The following EIF4A3 variants were observed in gnomAD, a reference collection of about 807,000 sequenced individuals.
EIF4A3 encodes eukaryotic translation initiation factor 4A3.
A neutral mutation model predicts 55.6 loss-of-function variants in EIF4A3; 1 was observed. The ratio of observed to expected loss-of-function variants is 0.02; its 90% CI spans 0.01 to 0.09. EIF4A3 has a LOEUF of 0.09. Ranked by LOEUF, EIF4A3 falls within the 10% of genes least tolerant of loss-of-function variation. The pLI is 1.00. For missense variants in EIF4A3, 221 were observed against 540.7 expected (o/e 0.41, Z 5.86); for synonymous variants, 194 against 196.3 (o/e 0.99, Z 0.10).
rs183318482 is a variant in EIF4A3, at chr17:80,134,485, G to A, written c.*1005C>T. ...CCTGCCACTATACTCCTGCCTGGGC[G>A]ACAGGGAGATCCTGGGCTCTCAAAA... On this transcript the variant is annotated 3_prime_UTR_variant, in exon 12 of 12. Coordinates refer to ENST00000649764, the MANE Select transcript of EIF4A3 (RefSeq NM_014740.4). Among the ~76,000 whole-genome samples the A allele has an allele frequency of 7.9e-4, 118 of 150,236 alleles. No homozygotes were observed. The Middle Eastern group carries it at 0.014, about 17-fold the overall frequency.
At chr17:80,145,483 G>A (rs1359655557) in intron 1 of EIF4A3, among the ~76,000 whole-genome samples, 1 of 152,178 alleles carries the variant, frequency 6.6e-6, no homozygotes, top group African/African-American at 2.4e-5. Context: ...GGAATCGCTT[G>A]AGCCCCAGAA....
intron 9 of EIF4A3, 69 bp downstream of exon 9, chr17:80,137,317 G>T: frequency 7.3e-7 from 1 of 1,378,822 alleles, no homozygotes; most frequent in Non-Finnish European, 1.0e-6. Flanking sequence ...CACTTAGGCG[G>T]TACATATGAA....
chr17:80,144,158 C>A lies in EIF4A3; in HGVS notation c.242+14G>T. 6.2e-7 allele frequency: 1 copy of A among 1,613,644 alleles called. No individual in the cohort carries two copies. Among genetic ancestry groups the A allele is most frequent in the Non-Finnish European group, 8.5e-7 (1 of 1,179,606 alleles). On this transcript the variant is annotated intron_variant, in intron 2 of 11. Transcript: ENST00000649764. ...TTTACATCCAGCCCTGCGCCGCACCCCAGGACAACTTACTGTGCGATGACA... is the reference window on the plus strand; with the variant it reads ...TTTACATCCAGCCCTGCGCCGCACCACAGGACAACTTACTGTGCGATGACA...
chr17:80,141,962 T>C (rs187332706), intron 2 of EIF4A3, 114 bp from the exon 3 acceptor site: 2 of 764,318 alleles, frequency 2.6e-6, no homozygotes, highest in East Asian at 2.6e-5. Flanking sequence ...CAAGCCCCCG[T>C]ACCTAATAAC....
chr17:80,141,272 A>G (rs774232931), intron 4 of EIF4A3, 47 bp downstream of exon 4: 1 of 1,555,424 alleles, frequency 6.4e-7, no homozygotes, highest in Admixed American at 1.7e-5. Flanking sequence ...ACTAAATCAC[A>G]AAAGCAGTAC....
At chr17:80,144,564 T>C (rs985129792) in intron 1 of EIF4A3, among the ~76,000 whole-genome samples, 2 of 152,132 alleles carry the variant, frequency 1.3e-5, no homozygotes, top group African/African-American at 4.8e-5. Flanking sequence ...TGCCAAAATG[T>C]TCCTGGCAGT....
chr17:80,136,482 G>T, intron 9 of EIF4A3, 147 bp from the exon 10 acceptor site: 1 of 652,060 alleles, frequency 1.5e-6, no homozygotes, highest in Non-Finnish European at 2.7e-6. Flanking sequence ...CTGCAAACGT[G>T]AAGCCTCAGG....
In EIF4A3 at chr17:80,141,300, C is replaced by T; in HGVS notation, c.372+19G>A. The T allele has an allele frequency of 6.2e-7, 1 of 1,608,272 alleles. No homozygotes were observed. Among genetic ancestry groups the T allele is most frequent in the South Asian group, 1.1e-5 (1 of 90,772 alleles). On this transcript the variant is annotated intron_variant, in intron 4 of 11. Transcript: ENST00000649764. ...AGCAGTACTTGTTAATCGGACACCG[C>T]TATCTTTAGCCATCTCACCTTCTGG...
At chr17:80,137,664 G>GA (rs1170267307) in intron 8 of EIF4A3, 163 bp from the exon 9 acceptor site, 6 of 604,962 alleles carry the variant, frequency 9.9e-6, no homozygotes, top group Non-Finnish European at 1.7e-5. Context: ...CTTTTTCCCA[G>GA]AAAATGTTGG....
intron 5 of EIF4A3, 26 bp downstream of exon 5, chr17:80,139,981 AC>A: frequency 6.2e-7 from 1 of 1,605,012 alleles, no homozygotes; most frequent in Non-Finnish European, 8.5e-7. Flanking sequence ...TACCGGCAGC[AC>A]CATTTTTAGC....
At position 80,139,336 on chromosome 17, in the gene EIF4A3, T is replaced by TCC. The variant is rs1480231998; in HGVS notation, c.587-176_587-175dup. On this transcript the variant is annotated intron_variant, in intron 6 of 11. Coordinates refer to ENST00000649764, the MANE Select transcript of EIF4A3 (RefSeq NM_014740.4). The stretch of plus-strand genomic sequence containing the variant: ...ATCCACGCGTTCTCTCCGTCCCTAC[T>TCC]CCCCGCCCACCGGAGTGTTATCTGG... 3 of 809,614 alleles carry TCC rather than the reference T, an allele frequency of 3.7e-6. No homozygotes were observed. In the East Asian group the frequency reaches 8.2e-5, roughly 22 times the overall value. 50.2% of individuals were successfully genotyped at this position (809,614 alleles called of 1,614,324 possible).
chr17:80,139,579 G>T, intron 6 of EIF4A3, 91 bp downstream of exon 6: 1 of 1,128,312 alleles, frequency 8.9e-7, no homozygotes. Flanking sequence ...TTCACATTCA[G>T]AACAGTCACT....
chr17:80,138,821 TA>T (rs2039594519), intron 7 of EIF4A3, 199 bp downstream of exon 7: 5 of 710,366 alleles, frequency 7.0e-6, no homozygotes, highest in Middle Eastern at 4.0e-4. Flanking sequence ...TTTGGTTTTT[TA>T]AAACAGGAAT....
At chr17:80,144,014 A>T (rs1170832399) in intron 2 of EIF4A3, among the ~76,000 whole-genome samples, 158 bp downstream of exon 2, 1 of 152,158 alleles carries the variant, frequency 6.6e-6, no homozygotes, top group African/African-American at 2.4e-5. Flanking sequence ...AGTAGAGAAC[A>T]CAAATTTAAA....
At position 80,140,032 on chromosome 17, in the gene EIF4A3, C is replaced by T. The variant is rs1261899180; in HGVS notation, c.481G>A (p.Ala161Thr). The T allele has an allele frequency of 1.1e-5, 18 of 1,613,398 alleles. No homozygotes were observed. The highest frequency in any genetic ancestry group is 1.4e-5 in the Non-Finnish European group (17 of 1,179,822). The change falls in exon 5 of 12, where the codon GCG becomes ACG. Residue 161 changes from alanine to threonine, a missense_variant. Physicochemically the swap from Ala to Thr is moderately conservative, Grantham distance 58. Around this residue, in one of 4 missense-constraint regions of EIF4A3, gnomAD observed 85 missense variants for 205.8 expected, o/e 0.41. Transcript: ENST00000649764. Reference sequence around the variant, plus strand: ...CCAAAAACACGCCCTGGAGTGCCCGCGACAACATGCTGTCCGTAATCCAGC... The same window carrying T: ...CCAAAAACACGCCCTGGAGTGCCCGTGACAACATGCTGTCCGTAATCCAGC... Reference protein sequence around the residue: ...RKLDYGQHVVAGTPGRVFDMI... With the variant: ...RKLDYGQHVVTGTPGRVFDMI...
Position 80,146,975 on chromosome 17 carries a change from CG to C in EIF4A3, c.-15del, listed in dbSNP as rs1310912313. 8 of 1,592,278 alleles carry C rather than the reference CG, an allele frequency of 5.0e-6. No homozygotes were observed. The South Asian group carries it at 8.9e-5, about 18-fold the overall frequency. On this transcript the variant is annotated 5_prime_UTR_variant, in exon 1 of 12. Coordinates refer to ENST00000649764, the MANE Select transcript of EIF4A3 (RefSeq NM_014740.4). ...CGTGGTCGCCATGATTCAGAGTCCG[CG>C]GAAGAGCACAGCGCGCGCCGCTGCC...
chr17:80,143,763 G>A (rs2039637015), intron 2 of EIF4A3, among the ~76,000 whole-genome samples: 2 of 151,992 alleles, frequency 1.3e-5, no homozygotes, highest in African/African-American at 4.8e-5. Context: ...TGGATCACCT[G>A]AGGTCAGGAG....
chr17:80,136,432 G>A (rs1435791933), intron 9 of EIF4A3, 97 bp from the exon 10 acceptor site: 1 of 949,114 alleles, frequency 1.1e-6, no homozygotes, highest in Non-Finnish European at 1.6e-6. Context: ...CCTGGCTGCA[G>A]GTCCAAAATA....
At chr17:80,141,431 T>C in intron 3 of EIF4A3, 50 bp from the exon 4 acceptor site, 1 of 1,549,418 alleles carries the variant, frequency 6.5e-7, no homozygotes, top group Non-Finnish European at 8.9e-7. Flanking sequence ...ATTATCAAAG[T>C]GGATTGTAGT....
Sources: gnomAD v4.1 joint callset for allele counts (sites outside exome capture counted in the v4.1 genomes callset) on GRCh38, gnomAD v4.1.1 for gene constraint, gnomAD v4.1.1 regional missense constraint, MANE v1.5 for transcripts, NCBI Gene and HGNC (gene_info 2026-07-23, HGNC 2026-07-21) for gene names.